GC: variants seen among roughly 807,000 people sequenced by gnomAD.
The protein encoded by GC is vitamin D-binding protein.
Under a neutral mutation model 56.7 loss-of-function variants are expected in GC, and 43 were observed. The observed-to-expected ratio is 0.76, with a 90% CI of 0.59 to 0.98. The LOEUF is 0.98. GC is among the 50% of genes least tolerant of loss of function. The pLI is 0.00. For synonymous variants in GC, 216 were observed against 202.7 expected (o/e 1.07, Z -0.56); for missense variants, 529 against 545.9 (o/e 0.97, Z 0.31).
rs75176559 is a variant in GC, at chr4:71,801,263, A to T, written c.21+2663T>A. Among the ~76,000 whole-genome samples the T allele has an allele frequency of 1.7e-3, 257 of 152,338 alleles. 6 individuals are homozygous for T. In the East Asian group the frequency reaches 0.044, roughly 26 times the overall value. On this transcript the variant is annotated intron_variant, in intron 1 of 13. Coordinates refer to the GC transcript ENST00000504199. ...TAGAGGTAAAGAAATGCAAAGCAAA[A>T]CCAAAATGAAATATCGCTTTACACC...
At chr4:71,802,667 T>C (rs1252122606) in intron 1 of GC, among the ~76,000 whole-genome samples, 1 of 152,228 alleles carries the variant, frequency 6.6e-6, no homozygotes, top group Non-Finnish European at 1.5e-5. Context: ...AGTTCTTTGC[T>C]CTTTCTTGAT....
intron 9 of GC, 43 bp downstream of exon 9, chr4:71,754,934 AC>A: frequency 7.0e-7 from 1 of 1,433,480 alleles, no homozygotes; most frequent in Non-Finnish European, 9.3e-7. Context: ...TAATTTTCCA[AC>A]CCTTGATCTA....
At chr4:71,784,283 T>C, upstream of GC, 1 of 1,157,730 alleles carries the variant, frequency 8.6e-7, no homozygotes, top group Non-Finnish European at 1.1e-6. Flanking sequence ...ATTTTAATCA[T>C]TAACTTTGTC....
At chr4:71,754,062 A>T (rs1261834983) in intron 10 of GC, among the ~76,000 whole-genome samples, 3 of 152,154 alleles carry the variant, frequency 2.0e-5, no homozygotes, top group Admixed American at 6.5e-5. Flanking sequence ...AACTACTTTT[A>T]AAAAAATAAA....
rs1491498002 is a variant in GC at position 71,778,042 on chromosome 4, A to AT, written c.58+5918_58+5919insA. On this transcript the variant is annotated intron_variant, in intron 1 of 12. Transcript: ENST00000273951. ...CAGAACTTAAAGTTTATATATATAT[A>AT]AAAAAAAACAAAATAAAACCCACAT... Among the ~76,000 whole-genome samples, 417 of 121,300 alleles carry AT rather than the reference A, an allele frequency of 3.4e-3. 1 individual carries two copies. The highest frequency in any genetic ancestry group is 0.015 in the African/African-American group (378 of 24,406). 79.6% of individuals were successfully genotyped at this position (121,300 alleles called of 152,430 possible). A position where few individuals can be genotyped will look rare whatever the true frequency, so the allele number is the denominator to read the frequency against.
At chr4:71,764,590 TTATC>T (rs1268602521) in intron 4 of GC, among the ~76,000 whole-genome samples, 1 of 152,206 alleles carries the variant, frequency 6.6e-6, no homozygotes, top group Non-Finnish European at 1.5e-5. Context: ...TAATTTTTCA[TTATC>T]TATCTCAGTT....
chr4:71,781,398 G>T (rs945009816), intron 1 of GC, among the ~76,000 whole-genome samples: 6 of 150,230 alleles, frequency 4.0e-5, no homozygotes, highest in South Asian at 2.1e-4. Flanking sequence ...TAATAAAAAA[G>T]AAAACTTGAA....
chr4:71,751,670 A>C (rs150176414), intron 11 of GC, among the ~76,000 whole-genome samples: 15 of 152,008 alleles, frequency 9.9e-5, no homozygotes, highest in Admixed American at 8.5e-4. Flanking sequence ...GGAAGGAAGA[A>C]AAAGGGGAGA....
Position 71,773,619 on chromosome 4 carries a change from T to C in GC, c.59-4219A>G, listed in dbSNP as rs1419443381. 2.0e-5 allele frequency among the ~76,000 whole-genome samples: 3 copies of C among 152,046 alleles called. No individual in the cohort carries two copies. In the East Asian group the frequency reaches 5.8e-4, roughly 29 times the overall value. On this transcript the variant is annotated intron_variant, in intron 1 of 12. Transcript: ENST00000273951. The stretch of plus-strand genomic sequence containing the variant: ...TATTAAAGTAGGTATTTGGATGCCT[T>C]CACTATTACTAGTCTTTCACTAAAA...
At chr4:71,778,579 A>G (rs1310436592) in intron 1 of GC, among the ~76,000 whole-genome samples, 2 of 151,912 alleles carry the variant, frequency 1.3e-5, no homozygotes, top group African/African-American at 4.8e-5. Flanking sequence ...GTTTCCAGAG[A>G]AGCTAGAAAT....
chr4:71,753,499 A>G (rs1491720), intron 10 of GC, among the ~76,000 whole-genome samples: 3,213 of 148,816 alleles, frequency 0.022, 108 homozygotes, highest in African/African-American at 0.076. Flanking sequence ...AAAAAAAAAG[A>G]AAGTTGGGGG....
intron 12 of GC, among the ~76,000 whole-genome samples, chr4:71,744,301 A>AC (rs1741283328): frequency 6.6e-6 from 1 of 150,574 alleles, no homozygotes; most frequent in African/African-American, 2.4e-5. Context: ...AAAAAAAAAA[A>AC]AACCCAAATT....
At chr4:71,785,320 A>C (rs1051158752), upstream of GC, among the ~76,000 whole-genome samples, 4 of 151,734 alleles carry the variant, frequency 2.6e-5, no homozygotes, top group African/African-American at 9.7e-5. Flanking sequence ...GTGAAGGTCA[A>C]TGAAACTAAT....
At chr4:71,761,846 C>T (rs1183901760) in intron 6 of GC, among the ~76,000 whole-genome samples, 1 of 152,166 alleles carries the variant, frequency 6.6e-6, no homozygotes, top group South Asian at 2.1e-4. Flanking sequence ...TGGGAACTTC[C>T]ACCTAGATTT....
At chr4:71,784,183 G>T, upstream of GC, 1 of 1,309,880 alleles carries the variant, frequency 7.6e-7, no homozygotes, top group African/African-American at 1.5e-5. Flanking sequence ...ACAGAAGCAA[G>T]GGGCTGTTAT....
At chr4:71,767,224 G>A (rs532097514) in intron 3 of GC, among the ~76,000 whole-genome samples, 1 of 152,268 alleles carries the variant, frequency 6.6e-6, no homozygotes, top group Non-Finnish European at 1.5e-5. Context: ...CATTGTTTCT[G>A]TATGATATCT....
intron 11 of GC, among the ~76,000 whole-genome samples, chr4:71,748,900 G>A (rs1420478064): frequency 6.6e-6 from 1 of 152,098 alleles, no homozygotes; most frequent in South Asian, 2.1e-4. Flanking sequence ...GGAGTAGATG[G>A]ATATTACTTT....
chr4:71,773,634 T>C (rs951382468), intron 1 of GC, among the ~76,000 whole-genome samples: 1 of 152,016 alleles, frequency 6.6e-6, no homozygotes, highest in Non-Finnish European at 1.5e-5. Flanking sequence ...ATTACTAGTC[T>C]TTCACTAAAA....
At chr4:71,779,691 T>C (rs1374028967) in intron 1 of GC, among the ~76,000 whole-genome samples, 2 of 151,914 alleles carry the variant, frequency 1.3e-5, no homozygotes, top group Admixed American at 6.6e-5. Flanking sequence ...AAGCTGGTGG[T>C]GTTTTACAGA....
Sources: gnomAD v4.1 joint callset for allele counts (sites outside exome capture counted in the v4.1 genomes callset) on GRCh38, gnomAD v4.1.1 for gene constraint, MANE v1.5 for transcripts, NCBI Gene and HGNC (gene_info 2026-07-23, HGNC 2026-07-21) for gene names.